The following ESRRG variants were observed in gnomAD, a reference collection of about 807,000 sequenced individuals.
ESRRG encodes estrogen related receptor gamma.
Under a neutral mutation model 44.0 loss-of-function variants are expected in ESRRG, and 13 were observed. The ratio of observed to expected loss-of-function variants is 0.30; its 90% CI spans 0.19 to 0.47. The LOEUF is 0.47. ESRRG is among the 20% of genes least tolerant of loss of function. The pLI is 1.00. For synonymous variants in ESRRG, 215 were observed against 214.6 expected (o/e 1.00, Z -0.02); for missense variants, 395 against 580.6 (o/e 0.68, Z 3.29).
chr1:216,949,585 T>A (rs1226362573), intron 1 of ESRRG, among the ~76,000 whole-genome samples: 1 of 152,176 alleles, frequency 6.6e-6, no homozygotes, highest in Non-Finnish European at 1.5e-5. Flanking sequence ...TTACCTAAAC[T>A]GGTCTCTTTC....
chr1:216,869,417 C>T (rs1226791273), intron 2 of ESRRG, among the ~76,000 whole-genome samples: 2 of 152,048 alleles, frequency 1.3e-5, no homozygotes, highest in Admixed American at 1.3e-4. Flanking sequence ...TGGTAATTGT[C>T]TATTTCAATA....
intron 3 of ESRRG, among the ~76,000 whole-genome samples, chr1:216,620,775 C>A (rs1383750645): frequency 1.3e-5 from 2 of 152,012 alleles, no homozygotes; most frequent in Non-Finnish European, 2.9e-5. Flanking sequence ...GGCAATATAC[C>A]CTTATCCACT....
rs1431388273 is a variant in ESRRG at position 216,715,228 on chromosome 1, A to G, written c.56+8016T>C. ...CTGTGACACTATGATCCCATGACTG[A>G]TGAGGCAGGTCTCATTCAAGTCTAT... On this transcript the variant is annotated intron_variant, in intron 1 of 6. Transcript: ENST00000408911. 4.1e-6 allele frequency: 4 copies of G among 985,274 alleles called. No homozygotes were observed. The African/African-American group carries it at 7.0e-5, about 17-fold the overall frequency. The allele number at this position is 985,274 out of a possible 1,614,324, so 61.0% of individuals were successfully genotyped here. A position where few individuals can be genotyped will look rare whatever the true frequency, so the allele number is the denominator to read the frequency against.
chr1:216,768,449 A>ATTAT (rs2093200689), intron 2 of ESRRG, among the ~76,000 whole-genome samples: 1 of 82,376 alleles, frequency 1.2e-5, no homozygotes, highest in Non-Finnish European at 2.6e-5. Flanking sequence ...TCTATCTATC[A>ATTAT]TTATCTATCT....
chr1:217,007,268 A>G (rs2077876706), intron 1 of ESRRG, among the ~76,000 whole-genome samples: 1 of 152,172 alleles, frequency 6.6e-6, no homozygotes, highest in South Asian at 2.1e-4. Flanking sequence ...ATGTGGGTCA[A>G]GGGGGAGAGG....
intron 3 of ESRRG, among the ~76,000 whole-genome samples, chr1:216,626,299 ACCCT>A (rs2063174932): frequency 6.6e-6 from 1 of 151,850 alleles, no homozygotes; most frequent in Non-Finnish European, 1.5e-5. Flanking sequence ...CTCTTCTCCT[ACCCT>A]CGGCTTATTA....
chr1:217,026,906 C>CAGAG (rs1190481305), intron 1 of ESRRG, among the ~76,000 whole-genome samples: 4 of 74,570 alleles, frequency 5.4e-5, no homozygotes, highest in East Asian at 4.2e-4. Flanking sequence ...CACACACACA[C>CAGAG]ACACACAGAG....
At chr1:216,570,671 C>A (rs1431668327) in intron 3 of ESRRG, among the ~76,000 whole-genome samples, 1 of 152,012 alleles carries the variant, frequency 6.6e-6, no homozygotes, top group Non-Finnish European at 1.5e-5. Flanking sequence ...AATTCCAACC[C>A]AATGAGAACA....
At chr1:216,574,366 G>C (rs1297989488) in intron 3 of ESRRG, among the ~76,000 whole-genome samples, 1 of 152,066 alleles carries the variant, frequency 6.6e-6, no homozygotes, top group Non-Finnish European at 1.5e-5. Flanking sequence ...ATGCTGTGAG[G>C]CAAATAAACA....
At chr1:216,554,535 C>T (rs902505506) in intron 5 of ESRRG, among the ~76,000 whole-genome samples, 2 of 151,812 alleles carry the variant, frequency 1.3e-5, no homozygotes, top group Non-Finnish European at 1.5e-5. Flanking sequence ...ACTTAGGAGG[C>T]TGAGGATGGA....
chr1:216,861,056 A>G (rs994864465), intron 2 of ESRRG, among the ~76,000 whole-genome samples: 2 of 152,248 alleles, frequency 1.3e-5, no homozygotes, highest in Non-Finnish European at 2.9e-5. Context: ...TAAGTAAAAC[A>G]TGTATACTAT....
At chr1:216,883,674 G>A (rs2096480914) in intron 2 of ESRRG, among the ~76,000 whole-genome samples, 1 of 152,110 alleles carries the variant, frequency 6.6e-6, no homozygotes, top group South Asian at 2.1e-4. Flanking sequence ...TCAGAGGCAG[G>A]TAGAACAATT....
chr1:216,764,727 C>G (rs919130342), intron 2 of ESRRG, among the ~76,000 whole-genome samples: 2 of 152,042 alleles, frequency 1.3e-5, no homozygotes, highest in African/African-American at 2.4e-5. Flanking sequence ...AATTTGTATC[C>G]CTAAGAGATC....
intron 1 of ESRRG, among the ~76,000 whole-genome samples, chr1:216,977,040 G>T (rs1026610682): frequency 6.6e-6 from 1 of 152,124 alleles, no homozygotes; most frequent in Non-Finnish European, 1.5e-5. Context: ...AGTCATAAAA[G>T]AGTGAAAGCC....
intron 1 of ESRRG, among the ~76,000 whole-genome samples, chr1:217,095,104 C>T (rs2092403382): frequency 6.6e-6 from 1 of 152,122 alleles, no homozygotes; most frequent in South Asian, 2.1e-4. Context: ...CAGAAGGGTG[C>T]ATGACTCCAG....
chr1:216,777,343 C>T (rs954787363), intron 2 of ESRRG, among the ~76,000 whole-genome samples: 5 of 152,096 alleles, frequency 3.3e-5, no homozygotes, highest in African/African-American at 7.2e-5. Flanking sequence ...ACAGTGTCCC[C>T]GCAGTTGAGC....
At chr1:216,595,865 T>C (rs963977874) in intron 3 of ESRRG, among the ~76,000 whole-genome samples, 4 of 152,208 alleles carry the variant, frequency 2.6e-5, no homozygotes, top group South Asian at 2.1e-4. Context: ...AGAAAAACTA[T>C]AGGACTTTAA....
intron 2 of ESRRG, among the ~76,000 whole-genome samples, chr1:216,924,079 C>T (rs1197655041): frequency 6.6e-6 from 1 of 152,082 alleles, no homozygotes; most frequent in African/African-American, 2.4e-5. Flanking sequence ...AAGAGAAATT[C>T]GAGGAGTGAG....
At chr1:216,624,971 G>T (rs2062916455) in intron 3 of ESRRG, among the ~76,000 whole-genome samples, 2 of 151,930 alleles carry the variant, frequency 1.3e-5, no homozygotes, top group South Asian at 4.1e-4. Flanking sequence ...TGAAATAATT[G>T]AGTTGTCTTA....
Sources: allele counts gnomAD v4.1 joint callset (sites outside exome capture counted in the v4.1 genomes callset), GRCh38; gene constraint gnomAD v4.1.1; transcripts MANE v1.5; gene names NCBI Gene and HGNC (gene_info 2026-07-23, HGNC 2026-07-21).